The following CCDC146 variants were observed in gnomAD, a reference collection of about 807,000 sequenced individuals.
The protein encoded by CCDC146 is coiled-coil domain containing 146, also known as coiled-coil domain-containing protein 146.
Under a neutral mutation model 119.3 loss-of-function variants are expected in CCDC146, and 92 were observed. That is an observed-to-expected ratio of 0.77 (90% confidence interval 0.65 to 0.92). The LOEUF is 0.92. CCDC146 is among the 40% of genes least tolerant of loss of function. The pLI is 0.00. For synonymous variants in CCDC146, 372 were observed against 371.8 expected, an observed-to-expected ratio of 1.00 and a Z score of -0.01; for missense variants, 1,000 against 1,103.0, an observed-to-expected ratio of 0.91 and a Z score of 1.32.
chr7:77,143,223 G>T (rs1790963067), intron 1 of CCDC146, among the ~76,000 whole-genome samples: 1 of 151,792 alleles, frequency 6.6e-6, no homozygotes. Flanking sequence ...CTTTTGAGAA[G>T]TGTCTGTTCA....
intron 2 of CCDC146, among the ~76,000 whole-genome samples, chr7:77,185,254 A>AAAATT (rs1791648849): frequency 6.6e-6 from 1 of 152,222 alleles, no homozygotes; most frequent in African/African-American, 2.4e-5. Flanking sequence ...TGCAGAAACA[A>AAAATT]GAATCTCTGA....
At chr7:77,217,609 G>A (rs1410728561) in intron 2 of CCDC146, among the ~76,000 whole-genome samples, 1 of 151,836 alleles carries the variant, frequency 6.6e-6, no homozygotes, top group Admixed American at 6.6e-5. Flanking sequence ...CTATATGGGT[G>A]TAGTCATGTG....
chr7:77,241,632 G>A, intron 3 of CCDC146, 59 bp from the exon 4 acceptor site: 1 of 1,478,792 alleles, frequency 6.8e-7, no homozygotes, highest in Non-Finnish European at 9.4e-7. Context: ...GACCCCCACA[G>A]GAGCCACCGA....
At chr7:77,291,036 C>T (rs915544355) in intron 17 of CCDC146, among the ~76,000 whole-genome samples, 1 of 152,162 alleles carries the variant, frequency 6.6e-6, no homozygotes, top group Non-Finnish European at 1.5e-5. Flanking sequence ...GGGGGTGCCT[C>T]TTATATTCCA....
At chr7:77,186,946 G>C (rs1483790057) in intron 2 of CCDC146, among the ~76,000 whole-genome samples, 4 of 152,184 alleles carry the variant, frequency 2.6e-5, no homozygotes, top group Non-Finnish European at 5.9e-5. Flanking sequence ...ATGCTGCTGG[G>C]ATTGGCCAAC....
chr7:77,139,899 C>CTTTTT, intron 1 of CCDC146, among the ~76,000 whole-genome samples: 5 of 150,342 alleles, frequency 3.3e-5, no homozygotes, highest in African/African-American at 1.2e-4. Flanking sequence ...TTCTTTATTT[C>CTTTTT]TTTTTCTTTT....
At chr7:77,130,509 A>T (rs1469696008) in intron 1 of CCDC146, among the ~76,000 whole-genome samples, 1 of 151,942 alleles carries the variant, frequency 6.6e-6, no homozygotes, top group East Asian at 1.9e-4. Flanking sequence ...AACCAGATTG[A>T]TTACTTACTA....
At chr7:77,291,478 G>A (rs982368064) in intron 17 of CCDC146, among the ~76,000 whole-genome samples, 4 of 152,062 alleles carry the variant, frequency 2.6e-5, no homozygotes, top group African/African-American at 9.7e-5. Context: ...GCCATGGCGG[G>A]TAGATTGCGT....
chr7:77,241,946 T>A, intron 4 of CCDC146, 46 bp downstream of exon 4: 1 of 1,454,784 alleles, frequency 6.9e-7, no homozygotes, highest in South Asian at 1.2e-5. Context: ...CTTTTCCTCA[T>A]AAATAGAAAA....
intron 2 of CCDC146, chr7:77,195,823 A>C (rs1466710781): frequency 6.4e-6 from 1 of 155,134 alleles, no homozygotes; most frequent in Non-Finnish European, 1.4e-5. Flanking sequence ...TGCCCGGCTA[A>C]TTTTTGTATT....
At chr7:77,281,263 A>G (rs1426256226) in intron 14 of CCDC146, among the ~76,000 whole-genome samples, 2 of 152,230 alleles carry the variant, frequency 1.3e-5, no homozygotes, top group African/African-American at 4.8e-5. Flanking sequence ...AGATTCTTTC[A>G]GCATAATTGA....
intron 2 of CCDC146, among the ~76,000 whole-genome samples, chr7:77,177,020 G>A (rs556261131): frequency 1.3e-5 from 2 of 151,730 alleles, no homozygotes; most frequent in East Asian, 3.9e-4. Context: ...ATTTTATGTA[G>A]AGATAGAGTT....
chr7:77,265,571 A>C (rs1793385474), intron 9 of CCDC146, among the ~76,000 whole-genome samples: 1 of 152,206 alleles, frequency 6.6e-6, no homozygotes, highest in African/African-American at 2.4e-5. Context: ...CACACAAAAA[A>C]ACAGACTTAG....
chr7:77,199,935 A>T, intron 2 of CCDC146: 4 of 948,662 alleles, frequency 4.2e-6, no homozygotes, highest in Non-Finnish European at 6.2e-6. Context: ...GCACAGGAAG[A>T]GGAGATAGCC....
intron 3 of CCDC146, 93 bp from the exon 4 acceptor site, chr7:77,241,598 A>G (rs532553554): frequency 1.6e-5 from 16 of 1,004,630 alleles, no homozygotes; most frequent in Non-Finnish European, 2.5e-5. Flanking sequence ...TGATCTGAGG[A>G]GTGGGGAGCA....
At chr7:77,274,427 A>T in intron 10 of CCDC146, 55 bp from the exon 11 acceptor site, 1 of 1,168,514 alleles carries the variant, frequency 8.6e-7, no homozygotes, top group Non-Finnish European at 1.2e-6. Context: ...TACTAGCTTT[A>T]CTGTATTACT....
At chr7:77,227,081 C>G (rs1792529044) in intron 2 of CCDC146, among the ~76,000 whole-genome samples, 1 of 152,156 alleles carries the variant, frequency 6.6e-6, no homozygotes, top group African/African-American at 2.4e-5. Flanking sequence ...TTCTGAACAT[C>G]TATGACTTTA....
chr7:77,259,079 A>T lies in CCDC146; in HGVS notation c.758+11A>T. Reference sequence around the variant, plus strand: ...AACACGCAAAAAAGTGTATGATTTAATATTTTTACTTTGAATCCCTGCCAG... The same window carrying T: ...AACACGCAAAAAAGTGTATGATTTATTATTTTTACTTTGAATCCCTGCCAG... On this transcript the variant is annotated intron_variant, in intron 7 of 18. Coordinates refer to ENST00000285871, the MANE Select transcript of CCDC146 (RefSeq NM_020879.3). 6.5e-7 allele frequency: 1 copy of T among 1,534,768 alleles called. No homozygotes were observed. The highest frequency in any genetic ancestry group is 1.7e-4 in the Middle Eastern group (1 of 5,914).
At chr7:77,231,477 C>T (rs1420455728) in intron 2 of CCDC146, among the ~76,000 whole-genome samples, 3 of 152,134 alleles carry the variant, frequency 2.0e-5, no homozygotes, top group Non-Finnish European at 4.4e-5. Context: ...CAGGGATCCT[C>T]CTGGGGTCTT....
Sources: gnomAD v4.1 joint callset for allele counts (sites outside exome capture counted in the v4.1 genomes callset) on GRCh38, gnomAD v4.1.1 for gene constraint, MANE v1.5 for transcripts, NCBI Gene and HGNC (gene_info 2026-07-23, HGNC 2026-07-21) for gene names.